LSM6: variants seen among roughly 807,000 people sequenced by gnomAD.
LSM6 encodes the protein U6 snRNA-associated Sm-like protein LSm6.
In LSM6, 2 loss-of-function variants were observed where a neutral mutation model predicts 13.5. The ratio of observed to expected loss-of-function variants is 0.15; its 90% CI spans 0.06 to 0.47. The LOEUF is 0.47. Among genes scored for constraint, LSM6 ranks in the 20% least tolerant of loss-of-function variants. The pLI is 0.97. For missense variants in LSM6, 58 were observed against 96.4 expected (o/e 0.60, Z 1.67); for synonymous variants, 43 against 34.9 (o/e 1.23, Z -0.82).
chr4:146,190,696 A>T lies in LSM6; in HGVS notation c.*1040A>T, dbSNP rs1730451523. 1 of 152,256 alleles carries T rather than the reference A, an allele frequency of 6.6e-6. No individual in the cohort carries two copies. The highest frequency in any genetic ancestry group is 1.5e-5 in the Non-Finnish European group (1 of 68,068). The allele number at this position is 152,256 out of a possible 1,614,324, so 9.4% of individuals were successfully genotyped here. On this transcript the variant is annotated 3_prime_UTR_variant, in exon 4 of 4. Transcript: ENST00000296581. ...TTCACAATTTATTAATGAGCTTTCC[A>T]CAACCCTGCTTTATTCTCCAAACAG... is the stretch of plus-strand genomic sequence containing the variant.
intron 3 of LSM6, among the ~76,000 whole-genome samples, chr4:146,188,680 T>C (rs1050540862): frequency 3.3e-5 from 5 of 152,198 alleles, no homozygotes; most frequent in Non-Finnish European, 7.3e-5. Flanking sequence ...CATTTCATTT[T>C]GTTTCATTCC....
At chr4:146,178,447 A>C (rs1045993299) in intron 1 of LSM6, among the ~76,000 whole-genome samples, 1 of 151,984 alleles carries the variant, frequency 6.6e-6, no homozygotes, top group Non-Finnish European at 1.5e-5. Flanking sequence ...ACAGCGAGGA[A>C]CTCCACTGTG....
At chr4:146,183,086 C>A in intron 2 of LSM6, 71 bp downstream of exon 2, 3 of 1,149,944 alleles carry the variant, frequency 2.6e-6, no homozygotes, top group Non-Finnish European at 3.9e-6. Context: ...TATTTATTAA[C>A]CTCTTAAGTA....
At chr4:146,185,591 A>G (rs1730328875) in intron 2 of LSM6, among the ~76,000 whole-genome samples, 1 of 150,804 alleles carries the variant, frequency 6.6e-6, no homozygotes, top group African/African-American at 2.4e-5. Context: ...GGTTTTGTAT[A>G]GTAGTTTATC....
intron 2 of LSM6, 108 bp from the exon 3 acceptor site, chr4:146,187,166 G>A (rs1370813210): frequency 3.4e-6 from 2 of 580,754 alleles, no homozygotes; most frequent in Non-Finnish European, 6.3e-6. Context: ...TTTATATTAA[G>A]CATCTAAGAA....
chr4:146,186,147 G>T (rs1331356869), intron 2 of LSM6, among the ~76,000 whole-genome samples: 1 of 152,204 alleles, frequency 6.6e-6, no homozygotes, highest in Non-Finnish European at 1.5e-5. Context: ...AAATAGTACA[G>T]CAGGAAACGA....
At chr4:146,188,055 GT>G (rs1730386394) in intron 3 of LSM6, among the ~76,000 whole-genome samples, 2 of 152,132 alleles carry the variant, frequency 1.3e-5, no homozygotes, top group African/African-American at 4.8e-5. Flanking sequence ...CAGATTTTTT[GT>G]TGATTTCTTT....
At position 146,191,410 on chromosome 4, in the gene LSM6, ATC is replaced by A. The variant is rs1408944258; in HGVS notation, c.*1760_*1761del. 10 of 152,128 alleles carry A rather than the reference ATC, an allele frequency of 6.6e-5. No individual in the cohort carries two copies. The highest frequency in any genetic ancestry group is 5.9e-4 in the Admixed American group (9 of 15,266). 9.4% of individuals were successfully genotyped at this position (152,128 alleles called of 1,614,324 possible). A position where few individuals can be genotyped will look rare whatever the true frequency, so the allele number is the denominator to read the frequency against. Reference sequence around the variant, plus strand: ...TATAAGTCTTTATTTTCCCCTTGCCATCTCTCTAGTTTAATAGCTCTACAGTG... The same window carrying A: ...TATAAGTCTTTATTTTCCCCTTGCCATCTCTAGTTTAATAGCTCTACAGTG... On this transcript the variant is annotated 3_prime_UTR_variant, in exon 4 of 4. Coordinates refer to ENST00000296581, the MANE Select transcript of LSM6 (RefSeq NM_007080.3).
At chr4:146,178,717 C>T (rs17021188) in intron 1 of LSM6, among the ~76,000 whole-genome samples, 10,173 of 152,278 alleles carry the variant, frequency 0.067, 1,171 homozygotes, top group African/African-American at 0.23. Flanking sequence ...TTCTTTGCAT[C>T]TGTCCATTGT....
At position 146,187,406 on chromosome 4, in the gene LSM6, A is replaced by G; in HGVS notation, c.208+19A>G. The G allele has an allele frequency of 7.0e-7, 1 of 1,422,112 alleles. No individual in the cohort carries two copies. The highest frequency in any genetic ancestry group is 9.9e-7 in the Non-Finnish European group (1 of 1,005,540). The allele number at this position is 1,422,112 out of a possible 1,614,324, so 88.1% of individuals were successfully genotyped here. A position where few individuals can be genotyped will look rare whatever the true frequency, so the allele number is the denominator to read the frequency against. ...AACAATGGTAACATTTCTTCGCCCT[A>G]CAGTACAGCATTCAAAATAAGCCTT... On this transcript the variant is annotated intron_variant, in intron 3 of 3. Coordinates refer to ENST00000296581, the MANE Select transcript of LSM6 (RefSeq NM_007080.3).
intron 2 of LSM6, among the ~76,000 whole-genome samples, chr4:146,186,534 A>G (rs1299854851): frequency 6.6e-6 from 1 of 152,246 alleles, no homozygotes. Flanking sequence ...AATTTATACC[A>G]TCTTAACACA....
Position 146,187,161 on chromosome 4 carries a change from A to G in LSM6, c.95-113A>G, listed in dbSNP as rs915999051. On this transcript the variant is annotated intron_variant, in intron 2 of 3. Coordinates refer to ENST00000296581, the MANE Select transcript of LSM6 (RefSeq NM_007080.3). ...TTTCATTTATGGTGTGAATTTTTAT[A>G]TTAAGCATCTAAGAACTAATGAATA... The G allele has an allele frequency of 1.8e-5, 11 of 596,800 alleles. No individual in the cohort carries two copies. The African/African-American group carries it at 1.9e-4, about 10-fold the overall frequency. The allele number at this position is 596,800 out of a possible 1,614,324, so 37.0% of individuals were successfully genotyped here.
intron 1 of LSM6, among the ~76,000 whole-genome samples, chr4:146,179,949 G>A (rs533312181): frequency 1.3e-5 from 2 of 152,318 alleles, no homozygotes; most frequent in African/African-American, 4.8e-5. Flanking sequence ...TCAAGTTTGG[G>A]AAACTGACCC....
intron 3 of LSM6, 54 bp from the exon 4 acceptor site, chr4:146,189,568 A>G (rs1730423453): frequency 8.5e-6 from 10 of 1,176,288 alleles, no homozygotes; most frequent in African/African-American, 1.5e-5. Context: ...GCTACTATGT[A>G]TACTTACAAG....
rs1429689826 is a variant in LSM6 at position 146,190,341 on chromosome 4, T to C, written c.*685T>C. ...TGCATCTCCTTATGCAATTAGACTTTTTAGGTTTCCCTGCTCCCTTTCAGG... is the reference window on the plus strand; with the variant it reads ...TGCATCTCCTTATGCAATTAGACTTCTTAGGTTTCCCTGCTCCCTTTCAGG... On this transcript the variant is annotated 3_prime_UTR_variant, in exon 4 of 4. Transcript: ENST00000296581. 1 of 152,380 alleles carries C rather than the reference T, an allele frequency of 6.6e-6. No homozygotes were observed. Among genetic ancestry groups the C allele is most frequent in the East Asian group, 1.9e-4 (1 of 5,214 alleles). The allele number at this position is 152,380 out of a possible 1,614,324, so 9.4% of individuals were successfully genotyped here.
At chr4:146,179,892 T>C (rs1003301702) in intron 1 of LSM6, among the ~76,000 whole-genome samples, 7 of 152,212 alleles carry the variant, frequency 4.6e-5, no homozygotes, top group African/African-American at 1.7e-4. Flanking sequence ...GATTGCTGGC[T>C]CCTACCCCAG....
At chr4:146,184,578 C>A (rs922829499) in intron 2 of LSM6, among the ~76,000 whole-genome samples, 1 of 152,072 alleles carries the variant, frequency 6.6e-6, no homozygotes, top group Non-Finnish European at 1.5e-5. Flanking sequence ...CTGCCTCTCA[C>A]CTGCGAACTT....
intron 1 of LSM6, 178 bp downstream of exon 1, chr4:146,175,989 G>A (rs1368501378): frequency 6.6e-6 from 1 of 152,516 alleles, no homozygotes; most frequent in Non-Finnish European, 1.5e-5. Flanking sequence ...GCTGGGTGGC[G>A]GGTCCCCGCG....
At chr4:146,185,597 TTA>T (rs780763061) in intron 2 of LSM6, among the ~76,000 whole-genome samples, 4 of 151,864 alleles carry the variant, frequency 2.6e-5, no homozygotes, top group Non-Finnish European at 5.9e-5. Context: ...GTATAGTAGT[TTA>T]TCTCATGGAA....
Sources: gnomAD v4.1 joint callset for allele counts (sites outside exome capture counted in the v4.1 genomes callset) on GRCh38, gnomAD v4.1.1 for gene constraint, MANE v1.5 for transcripts, NCBI Gene and HGNC (gene_info 2026-07-23, HGNC 2026-07-21) for gene names.